Variants in RBPMS observed in about 807,000 individuals in gnomAD.
RBPMS encodes the protein RNA binding protein, mRNA processing factor, also known as RNA-binding protein with multiple splicing.
RBPMS carries 7 observed loss-of-function variants against 26.8 expected under a neutral mutation model. The ratio of observed to expected loss-of-function variants is 0.26; its 90% CI spans 0.15 to 0.49. The LOEUF is 0.49. RBPMS is among the 20% of genes least tolerant of loss of function. The pLI is 0.98. For synonymous variants in RBPMS, 96 were observed against 93.3 expected (o/e 1.03, Z -0.17); for missense variants, 186 against 250.0 (o/e 0.74, Z 1.73).
chr8:30,488,447 A>C (rs1819025592), intron 4 of RBPMS, among the ~76,000 whole-genome samples: 1 of 152,246 alleles, frequency 6.6e-6, no homozygotes, highest in Non-Finnish European at 1.5e-5. Flanking sequence ...AGGTTATTTA[A>C]GATTACAGGT....
At chr8:30,443,475 C>G (rs1249374188) in intron 1 of RBPMS, among the ~76,000 whole-genome samples, 1 of 152,132 alleles carries the variant, frequency 6.6e-6, no homozygotes, top group African/African-American at 2.4e-5. Context: ...GTTTCCTTAG[C>G]TGCAAAATAG....
At chr8:30,556,690 G>A in intron 6 of RBPMS, 1 of 986,134 alleles carries the variant, frequency 1.0e-6, no homozygotes, top group Non-Finnish European at 1.2e-6. Flanking sequence ...TGGGGGCTCT[G>A]TGTCCCCGCC....
At chr8:30,546,200 C>T (rs1193438029) in intron 6 of RBPMS, among the ~76,000 whole-genome samples, 3 of 152,188 alleles carry the variant, frequency 2.0e-5, no homozygotes, top group Non-Finnish European at 2.9e-5. Flanking sequence ...TCTTGCTAGA[C>T]TGCCGGGTAC....
At chr8:30,547,058 C>T (rs1266655483) in intron 6 of RBPMS, among the ~76,000 whole-genome samples, 2 of 152,144 alleles carry the variant, frequency 1.3e-5, no homozygotes, top group Non-Finnish European at 2.9e-5. Flanking sequence ...TAAGAAGAGA[C>T]TTGGAGGCAA....
At chr8:30,569,460 C>T (rs1828119599) in intron 8 of RBPMS, among the ~76,000 whole-genome samples, 2 of 152,126 alleles carry the variant, frequency 1.3e-5, no homozygotes, top group Non-Finnish European at 2.9e-5. Context: ...ACAGTGTGGC[C>T]TGTATATGCT....
At chr8:30,472,301 A>T (rs1348110209) in intron 1 of RBPMS, among the ~76,000 whole-genome samples, 1 of 152,256 alleles carries the variant, frequency 6.6e-6, no homozygotes, top group African/African-American at 2.4e-5. Context: ...GAAAGAAGCC[A>T]GATGAAAAGG....
chr8:30,409,878 AC>A (rs1188038290), intron 1 of RBPMS, among the ~76,000 whole-genome samples: 1 of 149,732 alleles, frequency 6.7e-6, no homozygotes, highest in Non-Finnish European at 1.5e-5. Context: ...TGATCTGCCC[AC>A]CTTGGCCTCC....
intron 1 of RBPMS, among the ~76,000 whole-genome samples, chr8:30,458,107 A>G (rs1228068864): frequency 6.6e-6 from 1 of 152,174 alleles, no homozygotes; most frequent in Non-Finnish European, 1.5e-5. Flanking sequence ...GGTTACTTAC[A>G]ATAGCTAATA....
At chr8:30,533,046 A>C (rs1021580943) in intron 5 of RBPMS, among the ~76,000 whole-genome samples, 1 of 152,244 alleles carries the variant, frequency 6.6e-6, no homozygotes, top group African/African-American at 2.4e-5. Context: ...AGATGAATTT[A>C]AATGTGAGAG....
At chr8:30,458,466 T>C (rs912948979) in intron 1 of RBPMS, among the ~76,000 whole-genome samples, 3 of 152,142 alleles carry the variant, frequency 2.0e-5, no homozygotes, top group Non-Finnish European at 4.4e-5. Context: ...CCAAGATTGC[T>C]CAGCTAATTG....
rs1046849785 is a variant in RBPMS at position 30,384,813 on chromosome 8, G to A, written c.-280G>A. 1 of 263,656 alleles carries A rather than the reference G, an allele frequency of 3.8e-6. No individual in the cohort carries two copies. 16.3% of individuals were successfully genotyped at this position (263,656 alleles called of 1,614,324 possible). A position where few individuals can be genotyped will look rare whatever the true frequency, so the allele number is the denominator to read the frequency against. The stretch of plus-strand genomic sequence containing the variant: ...CCCTCCCTCTCCAGGTCGCCCTCCC[G>A]GGGCCCGATTGTCTCGGTGCCCCGC... On this transcript the variant is annotated 5_prime_UTR_variant, in exon 1 of 9. Coordinates refer to ENST00000397323, the MANE Select transcript of RBPMS (RefSeq NM_001008710.3). The surrounding 1 kb of genome is among the most constrained non-coding windows in gnomAD (Gnocchi z 5.6).
At chr8:30,430,624 A>G (rs913913053) in intron 1 of RBPMS, among the ~76,000 whole-genome samples, 4 of 152,202 alleles carry the variant, frequency 2.6e-5, no homozygotes, top group African/African-American at 9.6e-5. Flanking sequence ...TTAAGTTCCT[A>G]GTAGCTATCT....
intron 5 of RBPMS, among the ~76,000 whole-genome samples, chr8:30,535,357 G>C (rs1172142492): frequency 6.6e-6 from 1 of 152,214 alleles, no homozygotes; most frequent in Non-Finnish European, 1.5e-5. Context: ...CATAGACACA[G>C]AAAAAGAAAA....
chr8:30,566,108 G>A (rs1005753836), intron 7 of RBPMS, 149 bp from the exon 8 acceptor site: 2 of 193,604 alleles, frequency 1.0e-5, no homozygotes, highest in Non-Finnish European at 1.9e-5. Flanking sequence ...GCAGCCTCTG[G>A]TCCTCAGCTC....
chr8:30,567,398 A>G (rs10099372), intron 8 of RBPMS, among the ~76,000 whole-genome samples: 122,012 of 152,184 alleles, frequency 0.8, 49,510 homozygotes, highest in African/African-American at 0.9. Context: ...CATTTTTCCC[A>G]GGGTGCCTGT....
chr8:30,498,630 A>G (rs1180310732), intron 4 of RBPMS, among the ~76,000 whole-genome samples: 1 of 152,260 alleles, frequency 6.6e-6, no homozygotes, highest in African/African-American at 2.4e-5. Context: ...TAGACTAAAG[A>G]CAAAAAACTG....
chr8:30,511,489 AT>A (rs1821665128), intron 5 of RBPMS, among the ~76,000 whole-genome samples: 1 of 7,582 alleles, frequency 1.3e-4, no homozygotes, highest in African/African-American at 8.8e-4. Context: ...AAAAAAAAAT[AT>A]ATATATATAT....
chr8:30,447,196 T>C (rs1476476227), intron 1 of RBPMS, among the ~76,000 whole-genome samples: 1 of 152,126 alleles, frequency 6.6e-6, no homozygotes, highest in Admixed American at 6.6e-5. Flanking sequence ...ACTGACATGA[T>C]GCCCAAAGGG....
At chr8:30,435,095 A>C (rs1228156461) in intron 1 of RBPMS, among the ~76,000 whole-genome samples, 1 of 152,170 alleles carries the variant, frequency 6.6e-6, no homozygotes, top group Non-Finnish European at 1.5e-5. Flanking sequence ...GAAATGCTCC[A>C]AAACCTGAAA....
Sources: gnomAD v4.1 joint callset for allele counts (sites outside exome capture counted in the v4.1 genomes callset) on GRCh38, gnomAD v4.1.1 for gene constraint, Gnocchi (gnomAD v3.1) non-coding constraint, MANE v1.5 for transcripts, NCBI Gene and HGNC (gene_info 2026-07-23, HGNC 2026-07-21) for gene names.